FTO: variants seen among roughly 807,000 people sequenced by gnomAD.
FTO encodes the protein FTO alpha-ketoglutarate dependent dioxygenase, also known as alpha-ketoglutarate-dependent dioxygenase FTO.
A neutral mutation model predicts 63.9 loss-of-function variants in FTO; 47 were observed. The observed-to-expected ratio is 0.74, with a 90% CI of 0.58 to 0.94. The LOEUF (loss-of-function observed/expected upper bound fraction) is 0.94. Among genes scored for constraint, FTO ranks in the 40% least tolerant of loss-of-function variants. FTO has a pLI of 0.00. For synonymous variants in FTO, 207 were observed against 224.4 expected, an observed-to-expected ratio of 0.92 and a Z score of 0.69; for missense variants, 562 against 618.1, an observed-to-expected ratio of 0.91 and a Z score of 0.96.
chr16:54,005,013 T>A lies in FTO; in HGVS notation c.1364+70904T>A, dbSNP rs955957245. Among the ~76,000 whole-genome samples, 3 of 142,314 alleles carry A rather than the reference T, an allele frequency of 2.1e-5. No individual in the cohort carries two copies. The East Asian group carries it at 6.2e-4, about 29-fold the overall frequency. 93.4% of individuals were successfully genotyped at this position (142,314 alleles called of 152,430 possible). A position where few individuals can be genotyped will look rare whatever the true frequency, so the allele number is the denominator to read the frequency against. ...TGAACCTGGGAGGCAGAGCTCACAG[T>A]GAGCCGAGATCGCGCCACGGCACTC... On this transcript the variant is annotated intron_variant, in intron 8 of 8. Transcript: ENST00000471389.
chr16:53,904,678 C>G (rs2081492418), intron 7 of FTO, among the ~76,000 whole-genome samples: 1 of 152,144 alleles, frequency 6.6e-6, no homozygotes, highest in Non-Finnish European at 1.5e-5. Context: ...GGGAGGGCTC[C>G]CCATCCCTGG....
rs1161954369 is a variant in FTO, at chr16:54,117,124, T to C, written c.*5209T>C. ...AGTGGCAGAAGAGGTTTTCTGAGTT[T>C]AAGTTCTGATTCTGTGTGTGATTCT... On this transcript the variant is annotated 3_prime_UTR_variant, in exon 9 of 9. Coordinates refer to ENST00000471389, the MANE Select transcript of FTO (RefSeq NM_001080432.3). 2 of 152,346 alleles carry C rather than the reference T, an allele frequency of 1.3e-5. No homozygotes were observed. The highest frequency in any genetic ancestry group is 4.1e-4 in the South Asian group (2 of 4,826). 9.4% of individuals were successfully genotyped at this position (152,346 alleles called of 1,614,324 possible). A position where few individuals can be genotyped will look rare whatever the true frequency, so the allele number is the denominator to read the frequency against.
At chr16:53,846,088 A>G (rs1286151281) in intron 4 of FTO, among the ~76,000 whole-genome samples, 1 of 151,890 alleles carries the variant, frequency 6.6e-6, no homozygotes, top group Non-Finnish European at 1.5e-5. Flanking sequence ...TCCTAAAGTC[A>G]CTTAGTTATG....
In FTO at chr16:53,899,979, T is replaced by TG. The variant is rs1027371863; in HGVS notation, c.1239+11033dup. Among the ~76,000 whole-genome samples the TG allele has an allele frequency of 2.6e-5, 4 of 152,344 alleles. No individual in the cohort carries two copies. The South Asian group carries it at 6.2e-4, about 24-fold the overall frequency. On this transcript the variant is annotated intron_variant, in intron 7 of 8. Coordinates refer to ENST00000471389, the MANE Select transcript of FTO (RefSeq NM_001080432.3). The stretch of plus-strand genomic sequence containing the variant: ...TAAAAGATTTTGATGTGAATGCCAC[T>TG]GGGGGCTGAAGATTTTTCTTCCTCC...
chr16:53,808,509 C>T (rs994797783), intron 1 of FTO, among the ~76,000 whole-genome samples: 8 of 152,134 alleles, frequency 5.3e-5, no homozygotes, highest in African/African-American at 1.9e-4. Context: ...CTTCTATTCC[C>T]TTTCTCTTTC....
chr16:53,720,730 T>C (rs1472836126), intron 1 of FTO, among the ~76,000 whole-genome samples: 1 of 150,682 alleles, frequency 6.6e-6, no homozygotes, highest in Non-Finnish European at 1.5e-5. Context: ...TGTTGACAGA[T>C]ATACAGTAAA....
intron 8 of FTO, among the ~76,000 whole-genome samples, chr16:53,938,968 G>T (rs1206471570): frequency 6.6e-6 from 1 of 151,974 alleles, no homozygotes; most frequent in African/African-American, 2.4e-5. Flanking sequence ...CTTGGTGGCG[G>T]GTGCCTGTAG....
intron 3 of FTO, among the ~76,000 whole-genome samples, chr16:53,840,551 G>T (rs567799059): frequency 6.6e-6 from 1 of 152,264 alleles, no homozygotes; most frequent in African/African-American, 2.4e-5. Flanking sequence ...GGCTTTGTGG[G>T]TTTTATAGTC....
chr16:53,977,115 G>C (rs1270778993), intron 8 of FTO, among the ~76,000 whole-genome samples: 1 of 152,012 alleles, frequency 6.6e-6, no homozygotes, highest in Non-Finnish European at 1.5e-5. Flanking sequence ...TTAACCTGGA[G>C]ATTTGCTGAG....
At chr16:53,821,358 C>G (rs1449547018) in intron 2 of FTO, among the ~76,000 whole-genome samples, 1 of 152,134 alleles carries the variant, frequency 6.6e-6, no homozygotes, top group Non-Finnish European at 1.5e-5. Context: ...TTTGAGTATA[C>G]TGGGGCCTCA....
chr16:53,773,333 T>C (rs2077386093), intron 1 of FTO, among the ~76,000 whole-genome samples: 1 of 152,112 alleles, frequency 6.6e-6, no homozygotes, highest in Non-Finnish European at 1.5e-5. Flanking sequence ...AGTCACTAGG[T>C]GGCACTGAAG....
chr16:53,958,023 G>A (rs1473435287), intron 8 of FTO, among the ~76,000 whole-genome samples: 2 of 152,140 alleles, frequency 1.3e-5, no homozygotes, highest in Admixed American at 6.5e-5. Context: ...TATTTATAGT[G>A]AACATAGTAG....
chr16:53,970,390 G>T (rs2083289134), intron 8 of FTO, among the ~76,000 whole-genome samples: 1 of 151,994 alleles, frequency 6.6e-6, no homozygotes, highest in Admixed American at 6.6e-5. Flanking sequence ...AGGAGTTCGA[G>T]ACCAGCTTGG....
At chr16:53,762,685 A>T (rs2077098605) in intron 1 of FTO, among the ~76,000 whole-genome samples, 1 of 152,192 alleles carries the variant, frequency 6.6e-6, no homozygotes, top group Middle Eastern at 3.2e-3. Flanking sequence ...AATGAGAGAA[A>T]GAAAGGAAGA....
chr16:54,073,599 T>TTC (rs150379576), intron 8 of FTO, among the ~76,000 whole-genome samples: 1,565 of 149,280 alleles, frequency 0.01, 13 homozygotes, highest in Non-Finnish European at 0.016. Flanking sequence ...GCTCTCTCTC[T>TTC]TCTCTCTCTC....
At chr16:54,111,652 C>A (rs114204575) in intron 8 of FTO, 110 bp from the exon 9 acceptor site, 2 of 1,146,092 alleles carry the variant, frequency 1.7e-6, no homozygotes, top group Non-Finnish European at 2.6e-6. Flanking sequence ...GACCTTCACC[C>A]CCGAGGACTG....
intron 8 of FTO, among the ~76,000 whole-genome samples, chr16:54,025,530 C>T (rs1020121921): frequency 1.5e-4 from 23 of 152,004 alleles, no homozygotes; most frequent in Admixed American, 4.6e-4. Flanking sequence ...CAAGACCAGC[C>T]TGGCCAACAT....
At chr16:54,057,627 C>T (rs1219312032) in intron 8 of FTO, among the ~76,000 whole-genome samples, 4 of 151,600 alleles carry the variant, frequency 2.6e-5, no homozygotes, top group African/African-American at 9.7e-5. Flanking sequence ...CCACGCCTGG[C>T]TAATTTTTTT....
intron 8 of FTO, among the ~76,000 whole-genome samples, chr16:53,997,235 G>GAAAGAGAAACC (rs2083956451): frequency 6.6e-6 from 1 of 151,848 alleles, no homozygotes; most frequent in Admixed American, 6.6e-5. Context: ...GAGAAAGAAA[G>GAAAGAGAAACC]AAAGAAAGAG....
Sources: allele counts gnomAD v4.1 joint callset (sites outside exome capture counted in the v4.1 genomes callset), GRCh38; gene constraint gnomAD v4.1.1; transcripts MANE v1.5; gene names NCBI Gene and HGNC (gene_info 2026-07-23, HGNC 2026-07-21).